RPL6: variants seen among roughly 807,000 people sequenced by gnomAD.
RPL6 encodes the protein ribosomal protein L6, also known as large ribosomal subunit protein eL6.
A neutral mutation model predicts 32.1 loss-of-function variants in RPL6; 1 was observed. The ratio of observed to expected loss-of-function variants is 0.03; its 90% CI spans 0.01 to 0.15. The LOEUF (loss-of-function observed/expected upper bound fraction) is 0.15, where lower values mean the gene tolerates loss of function less well. Ranked by LOEUF, RPL6 falls within the 10% of genes least tolerant of loss-of-function variation. RPL6 has a pLI of 1.00. For missense variants in RPL6, 275 were observed against 354.6 expected (o/e 0.78, Z 1.80); for synonymous variants, 126 against 131.6 (o/e 0.96, Z 0.29).
At chr12:112,417,560 C>CTTTTTT (rs1209085428) in intron 1 of RPL6, among the ~76,000 whole-genome samples, 5 of 75,082 alleles carry the variant, frequency 6.7e-5, no homozygotes, top group African/African-American at 1.3e-4. Flanking sequence ...CCCGGCCCGG[C>CTTTTTT]TTTTTTTTTT....
intron 1 of RPL6, chr12:112,408,878 A>T: frequency 2.0e-6 from 1 of 507,092 alleles, no homozygotes; most frequent in Non-Finnish European, 3.4e-6. Flanking sequence ...TTTTTTTGAG[A>T]ATTTGAAACT....
chr12:112,408,256 A>G lies in RPL6; in HGVS notation c.320T>C (p.Val107Ala). Residue 107 changes from valine (V) to alanine (A), a missense_variant, in exon 3 of 7, where the codon GTT becomes GCT. Transcript: ENST00000202773. Reference sequence around the variant, plus strand: ...ACATCTTACCATTTTGCGAAGTTTAACCACCCGGGTACCGCCGTTCTTGTC... The same window carrying G: ...ACATCTTACCATTTTGCGAAGTTTAGCCACCCGGGTACCGCCGTTCTTGTC... The part of the protein sequence containing the change: ...GGDKNGGTRV[V>A]KLRKMPRYYP... The G allele has an allele frequency of 6.2e-7, 1 of 1,614,006 alleles. No homozygotes were observed. The highest frequency in any genetic ancestry group is 8.5e-7 in the Non-Finnish European group (1 of 1,179,894).
At chr12:112,418,770 C>A (rs1227139323) in exon 1 of RPL6, 4 of 417,328 alleles carry the variant, frequency 9.6e-6, no homozygotes, top group Admixed American at 9.8e-5. Flanking sequence ...ATGCTTTGGA[C>A]ACTGTGCGTG....
intron 3 of RPL6, 93 bp from the exon 4 acceptor site, chr12:112,406,983 TATTTTA>T: frequency 8.1e-7 from 1 of 1,241,714 alleles, no homozygotes; most frequent in Non-Finnish European, 1.1e-6. Context: ...ACAGCCTTTT[TATTTTA>T]AAGTATAATA....
Position 112,405,236 on chromosome 12 carries a change from T to C in RPL6, c.855A>G (p.Lys285=), listed in dbSNP as rs1171333470. Residue 285 remains lysine (K), a synonymous_variant, in exon 7 of 7, where the codon AAA becomes AAG. Transcript: ENST00000202773. ...GTTCTTAAGACATTTAGAACACCAA[T>C]TTGTGAGGATAAATTCCATTCGTCA... ...FALTNGIYPH[K]LVF is the part of the protein sequence containing the mutation. The C allele has an allele frequency of 3.8e-6, 6 of 1,569,780 alleles. No individual in the cohort carries two copies. Among genetic ancestry groups the C allele is most frequent in the Non-Finnish European group, 4.3e-6 (5 of 1,161,292 alleles).
At chr12:112,405,185 C>A (rs767049060), downstream of RPL6, 4 of 1,543,470 alleles carry the variant, frequency 2.6e-6, no homozygotes, top group South Asian at 2.5e-5. Context: ...AAAAGAGACA[C>A]AAAATGTAGT....
chr12:112,406,522 T>C, intron 4 of RPL6, 180 bp from the exon 5 acceptor site: 1 of 809,226 alleles, frequency 1.2e-6, no homozygotes, highest in Non-Finnish European at 1.9e-6. Context: ...ATAAACACGT[T>C]TTTGAGTAAA....
chr12:112,409,136 A>G (rs1400127714), intron 1 of RPL6: 1 of 268,046 alleles, frequency 3.7e-6, no homozygotes, highest in Non-Finnish European at 6.9e-6. Context: ...GCCCAAATTG[A>G]GCCAGAGAAA....
rs1382705486 is a variant in RPL6, at chr12:112,405,201, A to G, written c.*23T>C. ...AAAGAGACACAAAATGTAGTCAGCT[A>G]TTTAATTAGGTTCTTAAGACATTTA... On this transcript the variant is annotated 3_prime_UTR_variant, in exon 7 of 7. Coordinates refer to ENST00000202773, the MANE Select transcript of RPL6 (RefSeq NM_000970.6). 1 of 1,551,502 alleles carries G rather than the reference A, an allele frequency of 6.4e-7. No individual in the cohort carries two copies. Among genetic ancestry groups the G allele is most frequent in the African/African-American group, 1.4e-5 (1 of 71,756 alleles).
At position 112,405,922 on chromosome 12, in the gene RPL6, A is replaced by G. The variant is rs754037329; in HGVS notation, c.645T>C (p.Ala215=). 3 of 1,613,940 alleles carry G rather than the reference A, an allele frequency of 1.9e-6. No homozygotes were observed. Among genetic ancestry groups the G allele is most frequent in the Non-Finnish European group, 2.5e-6 (3 of 1,179,986 alleles). ...TCCGCAGCTTCTTCTTCTTGAAGTA[A>G]GCATCAGTAAGATGTTTTGGGATTT... ...NVKIPKHLTD[A]YFKKKKLRKP... The change falls in exon 6 of 7, where the codon GCT becomes GCC. Residue 215 remains alanine, a synonymous_variant. Transcript: ENST00000202773.
chr12:112,406,941 T>A, intron 3 of RPL6, 51 bp from the exon 4 acceptor site: 1 of 1,599,200 alleles, frequency 6.3e-7, no homozygotes, highest in Non-Finnish European at 8.5e-7. Flanking sequence ...TTCAGATTAC[T>A]AGAAGCAAGC....
In RPL6 at chr12:112,406,055, A is replaced by G. The variant is rs2037155442; in HGVS notation, c.530-18T>C. ...CAGAGGTCCTAAGGGGGAAAAATTA[A>G]TTTAGCAAGGAAAAGGGGGAAGAAT... is the stretch of plus-strand genomic sequence containing the variant. On this transcript the variant is annotated intron_variant, in intron 5 of 6. Transcript: ENST00000202773. 1 of 1,588,456 alleles carries G rather than the reference A, an allele frequency of 6.3e-7. No homozygotes were observed. The highest frequency in any genetic ancestry group is 1.1e-5 in the South Asian group (1 of 88,686).
At chr12:112,418,140 AGGCTAATTCTTGAATTTTTAGTGGAGAC>A (rs979506828) in intron 1 of RPL6, among the ~76,000 whole-genome samples, 1 of 151,874 alleles carries the variant, frequency 6.6e-6, no homozygotes, top group Non-Finnish European at 1.5e-5. Flanking sequence ...CCACCACGCC[AGGCTAATTCTTGAATTTTTAGTGGAGAC>A]GGGGTTTCAC....
chr12:112,406,712 C>T, intron 4 of RPL6, 35 bp downstream of exon 4: 11 of 1,610,778 alleles, frequency 6.8e-6, no homozygotes, highest in East Asian at 2.2e-5. Context: ...CCCCAGGCAG[C>T]TGCAGTGAAG....
At chr12:112,413,902 A>G (rs1035302452), upstream of RPL6, among the ~76,000 whole-genome samples, 1 of 152,144 alleles carries the variant, frequency 6.6e-6, no homozygotes, top group Non-Finnish European at 1.5e-5. Flanking sequence ...TTTGTCTTAA[A>G]AGGAGATCAT....
At chr12:112,406,685 C>T (rs1287118819) in intron 4 of RPL6, 62 bp downstream of exon 4, 6 of 1,597,330 alleles carry the variant, frequency 3.8e-6, no homozygotes, top group South Asian at 1.1e-5. Flanking sequence ...AGCGTGCAAA[C>T]GCATTGCCAC....
chr12:112,408,895 C>T (rs920394659), intron 1 of RPL6: 1 of 483,316 alleles, frequency 2.1e-6, no homozygotes, highest in Non-Finnish European at 3.6e-6. Context: ...AACTACCTCA[C>T]ACCTATTAGG....
chr12:112,407,054 A>G (rs2037193838), intron 3 of RPL6, 164 bp from the exon 4 acceptor site: 4 of 678,742 alleles, frequency 5.9e-6, no homozygotes, highest in Middle Eastern at 2.6e-4. Context: ...GAAAAGGTCA[A>G]TTATGCTTCT....
chr12:112,405,533 A>G, intron 6 of RPL6, 157 bp from the exon 7 acceptor site: 1 of 783,048 alleles, frequency 1.3e-6, no homozygotes, highest in Non-Finnish European at 2.0e-6. Flanking sequence ...GCTGTGAAAC[A>G]CAACCCATTT....
Sources: gnomAD v4.1 joint callset for allele counts (sites outside exome capture counted in the v4.1 genomes callset) on GRCh38, gnomAD v4.1.1 for gene constraint, MANE v1.5 for transcripts, NCBI Gene and HGNC (gene_info 2026-07-23, HGNC 2026-07-21) for gene names.